Variants in BCAS3 observed in about 807,000 individuals in gnomAD.
BCAS3 encodes the protein BCAS3 microtubule associated cell migration factor.
BCAS3 carries 53 observed loss-of-function variants against 116.1 expected under a neutral mutation model. The ratio of observed to expected loss-of-function variants is 0.46; its 90% CI spans 0.37 to 0.57. BCAS3 has a LOEUF of 0.57. Ranked by LOEUF, BCAS3 falls within the 20% of genes least tolerant of loss-of-function variation. The probability of loss-of-function intolerance (pLI) is 0.00; values close to 1 mark genes in which losing one functional copy is unlikely to be tolerated. For synonymous variants in BCAS3, 391 were observed against 408.2 expected, an observed-to-expected ratio of 0.96 and a Z score of 0.51; for missense variants, 917 against 1,165.4, an observed-to-expected ratio of 0.79 and a Z score of 3.10.
chr17:61,066,620 A>T (rs1021601918), intron 19 of BCAS3, among the ~76,000 whole-genome samples: 2 of 152,178 alleles, frequency 1.3e-5, no homozygotes, highest in African/African-American at 4.8e-5. Flanking sequence ...AGTATATTTA[A>T]TATGTTAATG....
chr17:60,888,661 A>C (rs1476375995), intron 9 of BCAS3, among the ~76,000 whole-genome samples: 1 of 152,146 alleles, frequency 6.6e-6, no homozygotes, highest in Non-Finnish European at 1.5e-5. Context: ...AGATAATAGT[A>C]ATATTACAGT....
Position 61,380,527 on chromosome 17 carries a change from T to G in BCAS3, c.2594-11450T>G, listed in dbSNP as rs778193892. 6.3e-7 allele frequency: 1 copy of G among 1,598,262 alleles called. No homozygotes were observed. Among genetic ancestry groups the G allele is most frequent in the South Asian group, 1.1e-5 (1 of 91,072 alleles). ...ACAGACACAGCCCTTGACGTAGCAG[T>G]AAAAACCTTCCCCCCTGAGAGACAC... On this transcript the variant is annotated intron_variant, in intron 23 of 23. Transcript: ENST00000407086. This position sits in a 1 kb window ranked among gnomAD's most constrained non-coding sequence, Gnocchi z 4.2.
chr17:60,925,289 A>T (rs558367484), intron 13 of BCAS3, among the ~76,000 whole-genome samples: 6 of 152,276 alleles, frequency 3.9e-5, no homozygotes, highest in African/African-American at 1.4e-4. Context: ...GTCTAGAGGT[A>T]TAAATCCATT....
rs1335140464 is a variant in BCAS3, at chr17:61,285,017, G to T, written c.2426-83310G>T. 1.3e-5 allele frequency among the ~76,000 whole-genome samples: 2 copies of T among 152,178 alleles called. No homozygotes were observed. Among genetic ancestry groups the T allele is most frequent in the African/African-American group, 4.8e-5 (2 of 41,454 alleles). On this transcript the variant is annotated intron_variant, in intron 22 of 23. Transcript: ENST00000407086. The surrounding 1 kb of genome is among the most constrained non-coding windows in gnomAD (Gnocchi z 5.4). Reference sequence around the variant, plus strand: ...TTCTCCTGTCTGTAGGCTTCTGAAAGCTTTGCTGCCCTAAATTCCTGTCCT... The same window carrying T: ...TTCTCCTGTCTGTAGGCTTCTGAAATCTTTGCTGCCCTAAATTCCTGTCCT...
chr17:61,367,330 C>T lies in BCAS3; in HGVS notation c.2426-997C>T, dbSNP rs1045947386. On this transcript the variant is annotated intron_variant, in intron 22 of 23. Coordinates refer to ENST00000407086, the MANE Select transcript of BCAS3 (RefSeq NM_017679.5). The surrounding 1 kb of genome is among the most constrained non-coding windows in gnomAD (Gnocchi z 6.2). Reference sequence around the variant, plus strand: ...AACAGAGCGTGACTATAATCTCCTTCCGAGAGAGAGTGGATGAAATAAGCT... The same window carrying T: ...AACAGAGCGTGACTATAATCTCCTTTCGAGAGAGAGTGGATGAAATAAGCT... Among the ~76,000 whole-genome samples, 1 of 152,166 alleles carries T rather than the reference C, an allele frequency of 6.6e-6. No homozygotes were observed. Among genetic ancestry groups the T allele is most frequent in the African/African-American group, 2.4e-5 (1 of 41,438 alleles).
chr17:60,910,145 T>C (rs779630305), intron 11 of BCAS3, among the ~76,000 whole-genome samples: 9 of 152,218 alleles, frequency 5.9e-5, no homozygotes, highest in Non-Finnish European at 5.9e-5. Context: ...TTTCAAAGAA[T>C]TGACCATTTC....
At chr17:61,150,373 C>G (rs1346169381) in intron 22 of BCAS3, among the ~76,000 whole-genome samples, 1 of 152,198 alleles carries the variant, frequency 6.6e-6, no homozygotes, top group Non-Finnish European at 1.5e-5. Flanking sequence ...TTATGGGTCA[C>G]TGTGCTATTT....
At position 61,362,723 on chromosome 17, in the gene BCAS3, G is replaced by A. The variant is rs577535007; in HGVS notation, c.2426-5604G>A. ...ATGCCAAGCTGGGAAGCAGGATTCGGGACACTCACCTGGATGAGACCAGCT... is the reference window on the plus strand; with the variant it reads ...ATGCCAAGCTGGGAAGCAGGATTCGAGACACTCACCTGGATGAGACCAGCT... On this transcript the variant is annotated intron_variant, in intron 22 of 23. Transcript: ENST00000407086. The surrounding 1 kb of genome is among the most constrained non-coding windows in gnomAD (Gnocchi z 4.4). 1.3e-5 allele frequency: 2 copies of A among 152,296 alleles called. 1 individual carries two copies. Among genetic ancestry groups the A allele is most frequent in the African/African-American group, 4.8e-5 (2 of 41,550 alleles). The allele number at this position is 152,296 out of a possible 1,614,324, so 9.4% of individuals were successfully genotyped here.
intron 6 of BCAS3, among the ~76,000 whole-genome samples, chr17:60,783,911 T>C (rs1419312204): frequency 2.0e-5 from 3 of 152,190 alleles, no homozygotes; most frequent in Non-Finnish European, 4.4e-5. Flanking sequence ...GAGTTCTTTA[T>C]GGGCAGCTGT....
At chr17:60,843,747 A>G (rs1257889499) in intron 7 of BCAS3, among the ~76,000 whole-genome samples, 2 of 152,226 alleles carry the variant, frequency 1.3e-5, no homozygotes, top group Non-Finnish European at 2.9e-5. Context: ...CTGTATGGAC[A>G]GTGTTGCATA....
At chr17:61,301,870 C>T (rs2053471881) in intron 22 of BCAS3, among the ~76,000 whole-genome samples, 1 of 152,076 alleles carries the variant, frequency 6.6e-6, no homozygotes, top group South Asian at 2.1e-4. Context: ...TTAAAAGAGC[C>T]TTTCAGCACA....
chr17:60,845,773 C>T (rs1288056732), intron 7 of BCAS3, among the ~76,000 whole-genome samples: 1 of 151,196 alleles, frequency 6.6e-6, no homozygotes, highest in African/African-American at 2.4e-5. Flanking sequence ...CTTTCTTTCT[C>T]TTTTCTTTTT....
At chr17:61,277,360 A>C (rs180957035) in intron 22 of BCAS3, among the ~76,000 whole-genome samples, 79 of 152,240 alleles carry the variant, frequency 5.2e-4, no homozygotes, top group Admixed American at 3.7e-3. Flanking sequence ...AATGGATCAA[A>C]GACCTAAATG....
rs556604126 is a variant in BCAS3 at position 60,967,854 on chromosome 17, C to T, written c.1221+20502C>T. 1.3e-5 allele frequency among the ~76,000 whole-genome samples: 2 copies of T among 152,160 alleles called. No homozygotes were observed. The highest frequency in any genetic ancestry group is 2.1e-4 in the South Asian group (1 of 4,822). ...AGAGTCTCTGATGACTTCTTCAGTT[C>T]AGCAAATATGTTTCTCAGTTCCAAG... On this transcript the variant is annotated intron_variant, in intron 14 of 23. Transcript: ENST00000407086. This position sits in a 1 kb window ranked among gnomAD's most constrained non-coding sequence, Gnocchi z 4.7.
intron 16 of BCAS3, among the ~76,000 whole-genome samples, chr17:61,030,720 A>T (rs948929898): frequency 6.6e-6 from 1 of 151,982 alleles, no homozygotes; most frequent in African/African-American, 2.4e-5. Context: ...TTTTGATTAC[A>T]TTGATTCGTA....
chr17:61,096,198 A>G (rs1359217673), intron 22 of BCAS3, among the ~76,000 whole-genome samples: 1 of 152,166 alleles, frequency 6.6e-6, no homozygotes, highest in Non-Finnish European at 1.5e-5. Context: ...TTTCTCCTTG[A>G]TAAGTTTCAA....
chr17:61,002,605 A>G lies in BCAS3; in HGVS notation c.1486+12370A>G, dbSNP rs372121973. 12 of 152,230 alleles carry G rather than the reference A, an allele frequency of 7.9e-5. No individual in the cohort carries two copies. The South Asian group carries it at 2.5e-3, about 32-fold the overall frequency. The allele number at this position is 152,230 out of a possible 1,614,324, so 9.4% of individuals were successfully genotyped here. On this transcript the variant is annotated intron_variant, in intron 15 of 23. Coordinates refer to ENST00000407086, the MANE Select transcript of BCAS3 (RefSeq NM_017679.5). ...TTATTCTTCAACGTCTTCTTAGAGA[A>G]TTCAACTTTGGAAATATATTACTAT...
intron 7 of BCAS3, among the ~76,000 whole-genome samples, chr17:60,811,911 G>C (rs1035971097): frequency 1.3e-5 from 2 of 152,142 alleles, no homozygotes; most frequent in African/African-American, 4.8e-5. Flanking sequence ...AAATTAGCTG[G>C]GCATGATGGC....
intron 7 of BCAS3, among the ~76,000 whole-genome samples, chr17:60,854,088 C>T (rs2053437908): frequency 6.6e-6 from 1 of 151,214 alleles, no homozygotes; most frequent in South Asian, 2.1e-4. Flanking sequence ...GTGTGTTGTT[C>T]CCCTTCCTGT....
Sources: allele counts gnomAD v4.1 joint callset (sites outside exome capture counted in the v4.1 genomes callset), GRCh38; gene constraint gnomAD v4.1.1; non-coding constraint Gnocchi (gnomAD v3.1); transcripts MANE v1.5; gene names NCBI Gene and HGNC (gene_info 2026-07-23, HGNC 2026-07-21).